The following SIGLEC10 variants were observed in gnomAD, a reference collection of about 807,000 sequenced individuals.
The protein encoded by SIGLEC10 is sialic acid-binding Ig-like lectin 10.
Under a neutral mutation model 68.3 loss-of-function variants are expected in SIGLEC10, and 45 were observed. That is an observed-to-expected ratio of 0.66 (90% CI 0.52 to 0.84). SIGLEC10 has a LOEUF of 0.84. SIGLEC10 is among the 40% of genes least tolerant of loss of function. The pLI, the probability that SIGLEC10 is intolerant of heterozygous loss-of-function variation, is 0.00. For synonymous variants in SIGLEC10, 379 were observed against 370.8 expected, an observed-to-expected ratio of 1.02 and a Z score of -0.26; for missense variants, 789 against 883.1, an observed-to-expected ratio of 0.89 and a Z score of 1.35.
In SIGLEC10 at chr19:51,414,614, C is replaced by A; in HGVS notation, c.1616-99G>T. The A allele has an allele frequency of 7.2e-7, 1 of 1,387,750 alleles. No individual in the cohort carries two copies. The highest frequency in any genetic ancestry group is 1.0e-6 in the Non-Finnish European group (1 of 987,272). The allele number at this position is 1,387,750 out of a possible 1,614,324, so 86.0% of individuals were successfully genotyped here. ...TAAGGCTTCCGGTTCCCATGGCGGA[C>A]ATTGTATCTGCAACCCCTCTGTTTA... On this transcript the variant is annotated intron_variant, in intron 8 of 10. Transcript: ENST00000339313. The surrounding 1 kb of genome is among the most constrained non-coding windows in gnomAD (Gnocchi z 4.1).
rs1198803241 is a variant in SIGLEC10 at position 51,414,863 on chromosome 19, C to T, written c.1576G>A (p.Val526Ile). 33 of 1,613,968 alleles carry T rather than the reference C, an allele frequency of 2.0e-5. No homozygotes were observed. Among genetic ancestry groups the T allele is most frequent in the Middle Eastern group, 1.6e-4 (1 of 6,082 alleles). Residue 526 changes from valine to isoleucine, a missense_variant, in exon 8 of 11, where the codon GTC becomes ATC. Val to Ile is a conservative substitution (Grantham distance 29). Coordinates refer to ENST00000339313, the MANE Select transcript of SIGLEC10 (RefSeq NM_033130.5). This position sits in a 1 kb window ranked among gnomAD's most constrained non-coding sequence, Gnocchi z 4.1. The stretch of plus-strand genomic sequence containing the variant: ...ATGGATCCACTCTGGGCCCCATGGA[C>T]GTTCCAGGCCTCACAGCGGAGCCTG... ...GLRLRCEAWN[V>I]HGAQSGSILQ...
At chr19:51,412,055 A>G (rs932481865) in intron 10 of SIGLEC10, among the ~76,000 whole-genome samples, 1 of 151,554 alleles carries the variant, frequency 6.6e-6, no homozygotes, top group African/African-American at 2.4e-5. Flanking sequence ...AGGCAGATGA[A>G]TCGCTTGAAC....
intron 9 of SIGLEC10, 68 bp from the exon 10 acceptor site, chr19:51,413,891 C>T (rs1988249815): frequency 8.2e-7 from 1 of 1,212,648 alleles, no homozygotes; most frequent in East Asian, 2.3e-5. Context: ...ACGTTTACTA[C>T]CTGAGACCGT....
At chr19:51,412,894 A>C (rs957140960) in intron 10 of SIGLEC10, among the ~76,000 whole-genome samples, 19 of 152,018 alleles carry the variant, frequency 1.2e-4, no homozygotes, top group Non-Finnish European at 2.5e-4. Flanking sequence ...CAGCCTCCCA[A>C]GTAGCTGGGA....
chr19:51,417,446 C>T lies in SIGLEC10; in HGVS notation c.57G>A (p.Gly19=). 1 of 1,613,810 alleles carries T rather than the reference C, an allele frequency of 6.2e-7. No individual in the cohort carries two copies. The highest frequency in any genetic ancestry group is 8.5e-7 in the Non-Finnish European group (1 of 1,179,742). Residue 19 remains glycine, a synonymous_variant, in exon 2 of 11, where the codon GGG becomes GGA. Transcript: ENST00000339313. ...ACTCCTGCACTCGTATCCAGAATCT[C>T]CCATCCATAGCCTGGGACCCTGTGG... is the stretch of plus-strand genomic sequence containing the variant. ...SLLGGSQAMD[G]RFWIRVQESV...
chr19:51,412,909 G>A (rs1253112912), intron 10 of SIGLEC10, among the ~76,000 whole-genome samples: 1 of 151,932 alleles, frequency 6.6e-6, no homozygotes, highest in Non-Finnish European at 1.5e-5. Flanking sequence ...CTGGGACAAT[G>A]GGCATGCACC....
rs781316540 is a variant in SIGLEC10, at chr19:51,413,781, C to T, written c.1752G>A (p.Pro584=). The T allele has an allele frequency of 1.4e-5, 23 of 1,613,944 alleles. No homozygotes were observed. In the East Asian group the frequency reaches 2.5e-4, roughly 17 times the overall value. ...LPKRRTQTET[P]RPRFSRHSTI... The stretch of plus-strand genomic sequence containing the variant: ...TGCTGTGCCGGGAGAACCTGGGCCT[C>T]GGGGTTTCTGTCTGAGTCCGTCTCT... The change falls in exon 10 of 11, where the codon CCG becomes CCA. Residue 584 remains proline, a synonymous_variant. Transcript: ENST00000339313.
Position 51,416,739 on chromosome 19 carries a change from G to A in SIGLEC10, c.633C>T (p.Thr211=), listed in dbSNP as rs199986765. 202 of 1,614,230 alleles carry A rather than the reference G, an allele frequency of 1.3e-4. 2 individuals carry two copies. In the South Asian group the frequency reaches 1.5e-3, roughly 12 times the overall value. ...SFTPRPQDHN[T]DLTCHVDFSR... is the part of the protein sequence containing the mutation. ...AGAAGTCCACATGGCAGGTGAGGTC[G>A]GTGTTGTGGTCCTGGGGTCTGGGCG... is the stretch of plus-strand genomic sequence containing the variant. Residue 211 remains threonine (T), a synonymous_variant, in exon 3 of 11, where the codon ACC becomes ACT. Coordinates refer to ENST00000339313, the MANE Select transcript of SIGLEC10 (RefSeq NM_033130.5).
chr19:51,417,123 C>G lies in SIGLEC10; in HGVS notation c.380G>C (p.Arg127Thr), dbSNP rs1487706933. Reference sequence around the variant, plus strand: ...GAACCCATCGTTCATGAAATTATATCTCACATAGCTTCCTCTCTCCACCCG... The same window carrying G: ...GAACCCATCGTTCATGAAATTATATGTCACATAGCTTCCTCTCTCCACCCG... ...FFRVERGSYV[R>T]YNFMNDGFFL... is the part of the protein sequence containing the mutation. Residue 127 changes from arginine to threonine, a missense_variant, in exon 2 of 11, where the codon AGA (arginine) becomes ACA (threonine). Coordinates refer to ENST00000339313, the MANE Select transcript of SIGLEC10 (RefSeq NM_033130.5). The G allele has an allele frequency of 6.2e-7, 1 of 1,614,086 alleles. No individual in the cohort carries two copies. Among genetic ancestry groups the G allele is most frequent in the African/African-American group, 1.3e-5 (1 of 74,934 alleles).
Position 51,415,038 on chromosome 19 carries a change from C to T in SIGLEC10, c.1401G>A (p.Gln467=), listed in dbSNP as rs764868345. The T allele has an allele frequency of 1.2e-6, 2 of 1,605,024 alleles. No individual in the cohort carries two copies. The highest frequency in any genetic ancestry group is 2.2e-5 in the South Asian group (2 of 90,462). ...AGCGCAGAGAGGGGGCCGGGCTGGC[C>T]TGGGAGGAGCAGCTGCAGTGCAGAC... ...AEGLHCSCSS[Q]ASPAPSLRWW... Residue 467 remains glutamine (Q), a synonymous_variant, in exon 8 of 11, where the codon CAG becomes CAA. Coordinates refer to ENST00000339313, the MANE Select transcript of SIGLEC10 (RefSeq NM_033130.5).
rs537225377 is a variant in SIGLEC10 at position 51,414,005 on chromosome 19, A to T, written c.1710-182T>A. ...AACTTAAGACAAAAGAAATTATTTT[A>T]AAGGAAGGGGTCAGGGGAAGAAGAA... On this transcript the variant is annotated intron_variant, in intron 9 of 10. Transcript: ENST00000339313. The surrounding 1 kb of genome is among the most constrained non-coding windows in gnomAD (Gnocchi z 4.1). Among the ~76,000 whole-genome samples the T allele has an allele frequency of 6.6e-6, 1 of 152,220 alleles. No individual in the cohort carries two copies. The highest frequency in any genetic ancestry group is 1.5e-5 in the Non-Finnish European group (1 of 68,028).
At position 51,417,424 on chromosome 19, in the gene SIGLEC10, C is replaced by A; in HGVS notation, c.79G>T (p.Glu27Ter). The A allele has an allele frequency of 6.2e-7, 1 of 1,614,076 alleles. No homozygotes were observed. Among genetic ancestry groups the A allele is most frequent in the Non-Finnish European group, 8.5e-7 (1 of 1,179,928 alleles). ...MDGRFWIRVQ[E>*]SVMVPEGLCI... ...AGGCCCTCCGGCACCATCACTGACT[C>A]CTGCACTCGTATCCAGAATCTCCCA... The change falls in exon 2 of 11, where the codon GAG becomes TAG. Residue 27 changes from glutamate to a stop codon, truncating the protein, a stop_gained. Transcript: ENST00000339313. LOFTEE classifies it high-confidence loss of function.
chr19:51,414,757 A>T lies in SIGLEC10; in HGVS notation c.1615+67T>A. On this transcript the variant is annotated intron_variant, in intron 8 of 10. Transcript: ENST00000339313. The surrounding 1 kb of genome is among the most constrained non-coding windows in gnomAD (Gnocchi z 4.1). ...CCCTCCAAGCTCCTGCTCCAACCAC[A>T]GGACCCTACTCTTTGCCCCAGTCAG... 1 of 1,599,928 alleles carries T rather than the reference A, an allele frequency of 6.3e-7. No homozygotes were observed. Among genetic ancestry groups the T allele is most frequent in the South Asian group, 1.1e-5 (1 of 89,488 alleles).
chr19:51,417,393 A>G lies in SIGLEC10; in HGVS notation c.110T>C (p.Ile37Thr). The G allele has an allele frequency of 6.2e-7, 1 of 1,614,158 alleles. No individual in the cohort carries two copies. Among genetic ancestry groups the G allele is most frequent in the Non-Finnish European group, 8.5e-7 (1 of 1,180,020 alleles). Residue 37 changes from isoleucine (I) to threonine (T), a missense_variant, in exon 2 of 11, where the codon ATC (isoleucine) becomes ACC (threonine). Coordinates refer to ENST00000339313, the MANE Select transcript of SIGLEC10 (RefSeq NM_033130.5). ...ESVMVPEGLCISVPCSFSYPR... is the reference protein window; with the variant it reads ...ESVMVPEGLCTSVPCSFSYPR... ...GTAGGAGAAAGAGCAGGGCACAGAG[A>G]TGCACAGGCCCTCCGGCACCATCAC...
chr19:51,413,994 G>T lies in SIGLEC10; in HGVS notation c.1710-171C>A, dbSNP rs113541614. ...GTAGAAATGAAAACTTAAGACAAAA[G>T]AAATTATTTTAAAGGAAGGGGTCAG... On this transcript the variant is annotated intron_variant, in intron 9 of 10. Transcript: ENST00000339313. Among the ~76,000 whole-genome samples the T allele has an allele frequency of 7.5e-4, 114 of 152,272 alleles. 1 individual carries two copies. Among genetic ancestry groups the T allele is most frequent in the African/African-American group, 2.6e-3 (109 of 41,558 alleles).
intron 2 of SIGLEC10, 23 bp from the exon 3 acceptor site, chr19:51,416,973 A>G (rs1328120637): frequency 1.1e-5 from 17 of 1,600,724 alleles, no homozygotes; most frequent in African/African-American, 8.0e-5. Flanking sequence ...CCGTGGTGGG[A>G]GATTCTTGTG....
rs1196041236 is a variant in SIGLEC10 at position 51,415,621 on chromosome 19, A to G, written c.1025-6T>C. The G allele has an allele frequency of 1.9e-6, 3 of 1,613,876 alleles. No individual in the cohort carries two copies. The highest frequency in any genetic ancestry group is 1.7e-5 in the Admixed American group (1 of 60,022). Reference sequence around the variant, plus strand: ...TCTCAGGTTCTCTGGAGGATCTGAAATGGAGACAGGGGACCGGCTCTAGAC... The same window carrying G: ...TCTCAGGTTCTCTGGAGGATCTGAAGTGGAGACAGGGGACCGGCTCTAGAC... On this transcript the variant is annotated splice_polypyrimidine_tract_variant and splice_region_variant and intron_variant, in intron 5 of 10. Transcript: ENST00000339313.
intron 5 of SIGLEC10, 110 bp from the exon 6 acceptor site, chr19:51,415,725 G>C: frequency 6.3e-7 from 1 of 1,588,332 alleles, no homozygotes; most frequent in Non-Finnish European, 8.6e-7. Context: ...AGAAGGGCAG[G>C]GCAGAATCAC....
intron 5 of SIGLEC10, 35 bp downstream of exon 5, chr19:51,415,863 C>T: frequency 6.2e-7 from 1 of 1,611,450 alleles, no homozygotes. Context: ...CTCTGCCCTC[C>T]CAATGGACTC....
Sources: gnomAD v4.1 joint callset for allele counts (sites outside exome capture counted in the v4.1 genomes callset) on GRCh38, gnomAD v4.1.1 for gene constraint, Gnocchi (gnomAD v3.1) non-coding constraint, MANE v1.5 for transcripts, NCBI Gene and HGNC (gene_info 2026-07-23, HGNC 2026-07-21) for gene names.